The following EFR3B variants were observed in gnomAD, a reference collection of about 807,000 sequenced individuals.
EFR3B encodes the protein protein EFR3 homolog B.
In EFR3B, 64 loss-of-function variants were observed where a neutral mutation model predicts 104.7. The observed-to-expected ratio is 0.61, with a 90% CI of 0.50 to 0.75. The LOEUF (loss-of-function observed/expected upper bound fraction) is 0.75, where lower values mean the gene tolerates loss of function less well. EFR3B is among the 30% of genes least tolerant of loss of function. The pLI is 0.00. For missense variants in EFR3B, 750 were observed against 1,078.5 expected (o/e 0.70, Z 4.27); for synonymous variants, 385 against 417.9 (o/e 0.92, Z 0.96).
At chr2:25,102,676 G>A (rs911812529) in intron 3 of EFR3B, among the ~76,000 whole-genome samples, 4 of 152,150 alleles carry the variant, frequency 2.6e-5, no homozygotes, top group South Asian at 2.1e-4. Context: ...GGGTGGGGAC[G>A]CGGAGCCAAA....
At chr2:25,094,501 G>C (rs1054736922) in intron 3 of EFR3B, among the ~76,000 whole-genome samples, 5 of 152,056 alleles carry the variant, frequency 3.3e-5, no homozygotes, top group Non-Finnish European at 7.4e-5. Context: ...CCACACACGT[G>C]GGATGACACT....
intron 5 of EFR3B, among the ~76,000 whole-genome samples, chr2:25,124,277 AGT>A (rs5829961): frequency 0.032 from 3,986 of 124,378 alleles, 62 homozygotes; most frequent in East Asian, 0.088. Context: ...TGTGCATGCA[AGT>A]GTGTGTGTGT....
At chr2:25,084,310 C>T (rs1668888909) in intron 1 of EFR3B, among the ~76,000 whole-genome samples, 1 of 151,892 alleles carries the variant, frequency 6.6e-6, no homozygotes, top group South Asian at 2.1e-4. Flanking sequence ...GATCTCGGCT[C>T]ACTGCAACCT....
chr2:25,134,216 G>C (rs1017024600), intron 12 of EFR3B, among the ~76,000 whole-genome samples: 1 of 139,404 alleles, frequency 7.2e-6, no homozygotes. Flanking sequence ...TTTCGCTCTT[G>C]TTGCTTAGGC....
At position 25,157,296 on chromosome 2, in the gene EFR3B, T is replaced by C. The variant is rs1395621875; in HGVS notation, c.*2956T>C. On this transcript the variant is annotated 3_prime_UTR_variant, in exon 23 of 23. Transcript: ENST00000403714. ...CTGCTGACATGGAGTAGAACCTGGA[T>C]TCTGGCCAAATAGGCCAGAATCGGA... The C allele has an allele frequency of 6.6e-6, 1 of 152,076 alleles. No homozygotes were observed. The highest frequency in any genetic ancestry group is 1.5e-5 in the Non-Finnish European group (1 of 68,034). The allele number at this position is 152,076 out of a possible 1,614,324, so 9.4% of individuals were successfully genotyped here. A position where few individuals can be genotyped will look rare whatever the true frequency, so the allele number is the denominator to read the frequency against.
chr2:25,050,421 T>TA (rs1268055725), intron 1 of EFR3B, among the ~76,000 whole-genome samples: 2 of 152,112 alleles, frequency 1.3e-5, no homozygotes, highest in Non-Finnish European at 2.9e-5. Context: ...GGCTCCTTTT[T>TA]AAAAAAAGCT....
chr2:25,101,561 C>G (rs1356991071), intron 3 of EFR3B, among the ~76,000 whole-genome samples: 2 of 152,274 alleles, frequency 1.3e-5, no homozygotes, highest in East Asian at 3.9e-4. Flanking sequence ...GTTGCCCAGG[C>G]TGTCTTGAAC....
rs956384427 is a variant in EFR3B, at chr2:25,158,754, CTG to C, written c.*4416_*4417del. ...CCCCTTCCAAGCTCTCCCCCCATGA[CTG>C]TTGATTTCTGGCGCGTGGAGGCAGA... is the stretch of plus-strand genomic sequence containing the variant. On this transcript the variant is annotated 3_prime_UTR_variant, in exon 23 of 23. Coordinates refer to ENST00000403714, the MANE Select transcript of EFR3B (RefSeq NM_014971.2). 9 of 152,280 alleles carry C rather than the reference CTG, an allele frequency of 5.9e-5. No homozygotes were observed. Among genetic ancestry groups the C allele is most frequent in the Non-Finnish European group, 1.3e-4 (9 of 68,124 alleles). 9.4% of individuals were successfully genotyped at this position (152,280 alleles called of 1,614,324 possible).
At chr2:25,092,873 C>A in intron 2 of EFR3B, 130 bp from the exon 3 acceptor site, 1 of 1,174,172 alleles carries the variant, frequency 8.5e-7, no homozygotes, top group Non-Finnish European at 1.2e-6. Context: ...CTGAAACCCA[C>A]ATGTGCTCCG....
At chr2:25,094,027 C>G (rs568920703) in intron 3 of EFR3B, among the ~76,000 whole-genome samples, 1 of 152,120 alleles carries the variant, frequency 6.6e-6, no homozygotes, top group African/African-American at 2.4e-5. Flanking sequence ...TGGCTCATAC[C>G]TATAATCCCA....
chr2:25,151,632 T>C (rs903530058), intron 20 of EFR3B, among the ~76,000 whole-genome samples: 9 of 152,032 alleles, frequency 5.9e-5, no homozygotes, highest in Non-Finnish European at 1.3e-4. Flanking sequence ...AGAGTCCCGG[T>C]GGGAGAGCAG....
chr2:25,121,359 G>A lies in EFR3B; in HGVS notation c.364-314G>A, dbSNP rs572414281. ...CCTAACAGCCTCCCCGCCCCCGTGT[G>A]TTTGTGCAGCTCTGGATGGAGCGAT... On this transcript the variant is annotated intron_variant, in intron 4 of 22. Transcript: ENST00000403714. Among the ~76,000 whole-genome samples the A allele has an allele frequency of 8.5e-4, 129 of 152,332 alleles. No homozygotes were observed. The South Asian group carries it at 8.7e-3, about 10-fold the overall frequency.
At chr2:25,051,895 C>T (rs1048808686) in intron 1 of EFR3B, among the ~76,000 whole-genome samples, 3 of 150,492 alleles carry the variant, frequency 2.0e-5, no homozygotes, top group African/African-American at 4.9e-5. Context: ...CCACCTCGGC[C>T]TCCCAAAGTG....
chr2:25,076,441 TTATCTAGTCTTCACCACAACCC>T, intron 1 of EFR3B, among the ~76,000 whole-genome samples: 1 of 152,250 alleles, frequency 6.6e-6, no homozygotes, highest in Middle Eastern at 3.4e-3. Context: ...CTCTGTTAAC[TTATCTAGTCTTCACCACAACCC>T]TATTAAGTAG....
chr2:25,101,184 G>A (rs1407849989), intron 3 of EFR3B, among the ~76,000 whole-genome samples: 1 of 152,172 alleles, frequency 6.6e-6, no homozygotes, highest in Non-Finnish European at 1.5e-5. Context: ...GCTCCATGAG[G>A]TCATTCAGGG....
intron 4 of EFR3B, among the ~76,000 whole-genome samples, chr2:25,109,479 T>C: frequency 6.6e-6 from 1 of 152,194 alleles, no homozygotes; most frequent in East Asian, 1.9e-4. Flanking sequence ...CCTCAAAAAG[T>C]TCAACATATG....
At chr2:25,070,928 C>G (rs1309192040) in intron 1 of EFR3B, among the ~76,000 whole-genome samples, 2 of 152,222 alleles carry the variant, frequency 1.3e-5, no homozygotes, top group Admixed American at 1.3e-4. Context: ...TTCATTGTTG[C>G]TTAATACACC....
At position 25,137,489 on chromosome 2, in the gene EFR3B, T is replaced by C. The variant is rs1286995428; in HGVS notation, c.1709T>C (p.Val570Ala). The stretch of plus-strand genomic sequence containing the variant: ...GTGGTGGTGGACCTCATCCGTCTGG[T>C]GCTGGCTGTTCAGGTGGGGCCTGGT... ...EEVVVDLIRL[V>A]LAVQDVAQVN... The change falls in exon 15 of 23, where the codon GTG (valine) becomes GCG (alanine). Residue 570 changes from valine to alanine, a missense_variant. Val to Ala is a moderately conservative substitution (Grantham distance 64). Coordinates refer to ENST00000403714, the MANE Select transcript of EFR3B (RefSeq NM_014971.2). This position sits in a 1 kb window ranked among gnomAD's most constrained non-coding sequence, Gnocchi z 4.7. 3.9e-6 allele frequency: 6 copies of C among 1,551,542 alleles called. No individual in the cohort carries two copies. Among genetic ancestry groups the C allele is most frequent in the Non-Finnish European group, 5.2e-6 (6 of 1,146,984 alleles).
Position 25,136,711 on chromosome 2 carries a change from C to A in EFR3B, c.1560+113C>A. ...CGGATAGATCACTTGAGGTGGGGAG[C>A]TCGAGACCAGCCAGACCAACATGGT... On this transcript the variant is annotated intron_variant, in intron 14 of 22. Coordinates refer to ENST00000403714, the MANE Select transcript of EFR3B (RefSeq NM_014971.2). This position sits in a 1 kb window ranked among gnomAD's most constrained non-coding sequence, Gnocchi z 4.0. 2 of 844,624 alleles carry A rather than the reference C, an allele frequency of 2.4e-6. No individual in the cohort carries two copies. The highest frequency in any genetic ancestry group is 1.9e-6 in the Non-Finnish European group (1 of 531,374). The allele number at this position is 844,624 out of a possible 1,614,324, so 52.3% of individuals were successfully genotyped here. A position where few individuals can be genotyped will look rare whatever the true frequency, so the allele number is the denominator to read the frequency against.
Sources: allele counts gnomAD v4.1 joint callset (sites outside exome capture counted in the v4.1 genomes callset), GRCh38; gene constraint gnomAD v4.1.1; non-coding constraint Gnocchi (gnomAD v3.1); transcripts MANE v1.5; gene names NCBI Gene and HGNC (gene_info 2026-07-23, HGNC 2026-07-21).